Variants in DCDC2 observed in about 807,000 individuals in gnomAD.
DCDC2 encodes doublecortin domain containing 2.
Under a neutral mutation model 50.2 loss-of-function variants are expected in DCDC2, and 40 were observed. The observed-to-expected ratio is 0.80, with a 90% CI of 0.62 to 1.04. DCDC2 has a LOEUF of 1.04. Ranked by LOEUF, DCDC2 falls within the 50% of genes least tolerant of loss-of-function variation. The pLI, the probability that DCDC2 is intolerant of heterozygous loss-of-function variation, is 0.00. For missense variants in DCDC2, 570 were observed against 581.9 expected, an observed-to-expected ratio of 0.98 and a Z score of 0.21; for synonymous variants, 234 against 210.6, an observed-to-expected ratio of 1.11 and a Z score of -0.96.
At chr6:24,323,891 A>G (rs1446133725) in intron 2 of DCDC2, among the ~76,000 whole-genome samples, 3 of 152,218 alleles carry the variant, frequency 2.0e-5, no homozygotes, top group African/African-American at 7.2e-5. Flanking sequence ...AAAGTACTCA[A>G]ACTATATTTA....
intron 4 of DCDC2, among the ~76,000 whole-genome samples, chr6:24,299,923 A>AAAAAAT (rs1212989441): frequency 6.6e-6 from 1 of 152,050 alleles, no homozygotes; most frequent in African/African-American, 2.4e-5. Context: ...CCATCTCAAA[A>AAAAAAT]AAAAATAAAA....
intron 6 of DCDC2, among the ~76,000 whole-genome samples, chr6:24,287,678 A>T (rs1450059193): frequency 1.3e-5 from 2 of 152,120 alleles, no homozygotes; most frequent in African/African-American, 4.8e-5. Flanking sequence ...CTTGGATCTG[A>T]AGGTCCTCTC....
chr6:24,199,801 G>C (rs1368411847), intron 8 of DCDC2, among the ~76,000 whole-genome samples: 1 of 152,144 alleles, frequency 6.6e-6, no homozygotes, highest in East Asian at 1.9e-4. Context: ...AGAATAGCCA[G>C]TTTGGATAAG....
the DCDC2 span, among the ~76,000 whole-genome samples, chr6:24,377,833 C>T: frequency 3.7e-4 from 57 of 152,170 alleles, no homozygotes; most frequent in Non-Finnish European, 7.2e-4. Context: ...CCTAAAAATA[C>T]AAAAAATCAG....
At chr6:24,222,835 G>A (rs1762148020) in intron 7 of DCDC2, among the ~76,000 whole-genome samples, 3 of 152,220 alleles carry the variant, frequency 2.0e-5, no homozygotes, top group South Asian at 2.1e-4. Flanking sequence ...TTTAAACAGC[G>A]AAGTTACAAA....
chr6:24,306,529 GA>G (rs1759477027), intron 2 of DCDC2, among the ~76,000 whole-genome samples: 1 of 142,632 alleles, frequency 7.0e-6, no homozygotes, highest in Non-Finnish European at 1.5e-5. Context: ...TAGATAGATA[GA>G]TAGATAGATA....
chr6:24,308,126 C>T (rs543727906), intron 2 of DCDC2, among the ~76,000 whole-genome samples: 3 of 152,236 alleles, frequency 2.0e-5, no homozygotes, highest in South Asian at 2.1e-4. Flanking sequence ...TTCAAGTGCA[C>T]GGAAGTGTAA....
At chr6:24,342,847 G>T (rs927509760) in intron 2 of DCDC2, among the ~76,000 whole-genome samples, 3 of 152,022 alleles carry the variant, frequency 2.0e-5, no homozygotes, top group Non-Finnish European at 2.9e-5. Flanking sequence ...TATTAATTGG[G>T]TCTAAATAAT....
At chr6:24,363,303 G>C in the DCDC2 span, among the ~76,000 whole-genome samples, 1 of 152,032 alleles carries the variant, frequency 6.6e-6, no homozygotes, top group African/African-American at 2.4e-5. Context: ...AGACCAGCCT[G>C]GCCAACATGG....
At chr6:24,265,118 T>C (rs1005687485) in intron 7 of DCDC2, among the ~76,000 whole-genome samples, 4 of 151,778 alleles carry the variant, frequency 2.6e-5, no homozygotes, top group African/African-American at 7.3e-5. Flanking sequence ...CTGGGCAACA[T>C]AGTGAAACCT....
At chr6:24,283,646 C>T (rs767658792) in intron 6 of DCDC2, among the ~76,000 whole-genome samples, 1 of 152,210 alleles carries the variant, frequency 6.6e-6, no homozygotes, top group African/African-American at 2.4e-5. Flanking sequence ...ACACAGTCCC[C>T]TTCACTCACA....
intron 7 of DCDC2, among the ~76,000 whole-genome samples, chr6:24,237,007 C>A (rs1381305576): frequency 8.5e-6 from 1 of 118,114 alleles, no homozygotes; most frequent in African/African-American, 2.5e-5. Context: ...AAAGCTCTGA[C>A]TCAAAAAAAA....
chr6:24,364,742 A>C, the DCDC2 span, among the ~76,000 whole-genome samples: 29 of 152,288 alleles, frequency 1.9e-4, no homozygotes, highest in East Asian at 5.4e-3. Context: ...TCAGCAAAAA[A>C]AAAAAAAGTA....
intron 7 of DCDC2, among the ~76,000 whole-genome samples, chr6:24,267,499 TA>T (rs1581621340): frequency 6.6e-6 from 1 of 152,114 alleles, no homozygotes; most frequent in Admixed American, 6.6e-5. Context: ...AACTGAAAGT[TA>T]AATGTAAAAG....
chr6:24,350,282 G>A (rs1760343482), intron 2 of DCDC2, among the ~76,000 whole-genome samples: 3 of 152,192 alleles, frequency 2.0e-5, no homozygotes, highest in African/African-American at 7.2e-5. Context: ...TATTAACTAC[G>A]TAAAAGCAAC....
rs1239033952 is a variant in DCDC2, at chr6:24,278,053, A to G, written c.918T>C (p.Asn306=). 5 of 1,608,640 alleles carry G rather than the reference A, an allele frequency of 3.1e-6. No homozygotes were observed. Among genetic ancestry groups the G allele is most frequent in the East Asian group, 4.5e-5 (2 of 44,844 alleles). ...AGATAATAATAACACACTTACCACT[A>G]TTTGGAATGGTTTCTTGTGAATTCT... ...KLKNSQETIP[N]SDEGIFKAGA... The change falls in exon 7 of 10, where the codon AAT becomes AAC. Residue 306 remains asparagine (N), a synonymous_variant. Transcript: ENST00000378454.
chr6:24,309,397 A>G (rs1172656611), intron 2 of DCDC2, among the ~76,000 whole-genome samples: 3 of 152,182 alleles, frequency 2.0e-5, no homozygotes, highest in Non-Finnish European at 2.9e-5. Flanking sequence ...TGAGATTGGT[A>G]ACATATATAA....
At chr6:24,304,262 C>T (rs1759431018) in intron 2 of DCDC2, among the ~76,000 whole-genome samples, 1 of 152,332 alleles carries the variant, frequency 6.6e-6, no homozygotes, top group South Asian at 2.1e-4. Flanking sequence ...GCAGGTGGAT[C>T]TCCTAAGGTC....
chr6:24,276,563 G>GA (rs1036236331), intron 7 of DCDC2, among the ~76,000 whole-genome samples: 4 of 152,014 alleles, frequency 2.6e-5, no homozygotes, highest in East Asian at 1.9e-4. Context: ...TTGGAAATAA[G>GA]AAAAAACTAG....
Sources: allele counts gnomAD v4.1 joint callset (sites outside exome capture counted in the v4.1 genomes callset), GRCh38; gene constraint gnomAD v4.1.1; transcripts MANE v1.5; gene names NCBI Gene and HGNC (gene_info 2026-07-23, HGNC 2026-07-21).